Variants in MSN observed in about 807,000 individuals in gnomAD.
MSN encodes epididymis luminal protein 70.
MSN carries 2 observed loss-of-function variants against 48.0 expected under a neutral mutation model. The ratio of observed to expected loss-of-function variants is 0.04; its 90% confidence interval spans 0.02 to 0.13. MSN has a LOEUF of 0.13. MSN is among the 10% of genes least tolerant of loss of function. The pLI, the probability that MSN is intolerant of heterozygous loss-of-function variation, is 1.00. For missense variants in MSN, 267 were observed against 470.1 expected, an observed-to-expected ratio of 0.57 and a Z score of 3.99; for synonymous variants, 146 against 166.9, an observed-to-expected ratio of 0.87 and a Z score of 0.97.
At chrX:65,736,449 T>G (rs1487810667) in intron 8 of MSN, among the ~76,000 whole-genome samples, 2 of 107,840 alleles carry the variant, frequency 1.9e-5, no homozygotes, top group Admixed American at 9.8e-5. Context: ...TTTTTTTTTT[T>G]TTTTAGATGG....
intron 1 of MSN, among the ~76,000 whole-genome samples, chrX:65,602,705 C>A (rs1362695057): frequency 8.9e-6 from 1 of 112,027 alleles, no homozygotes; most frequent in Non-Finnish European, 1.9e-5. Context: ...GCTTTAGCTT[C>A]TTTATTGACA....
intron 1 of MSN, among the ~76,000 whole-genome samples, chrX:65,697,613 G>A (rs897442274): frequency 5.4e-5 from 6 of 111,579 alleles, no homozygotes; most frequent in African/African-American, 2.0e-4. Context: ...TTTAAATCAG[G>A]GTGCTTTAGC....
At chrX:65,623,368 C>CTTTTTTTTTTTTTTTTTCTTTTTTTTT (rs773663630) in intron 1 of MSN, among the ~76,000 whole-genome samples, 3 of 74,158 alleles carry the variant, frequency 4.0e-5, no homozygotes, top group East Asian at 4.3e-4. Context: ...TCTTTCTTTT[C>CTTTTTTTTTTTTTTTTTCTTTTTTTTT]TTTTTTTTTT....
At chrX:65,598,347 AAG>A (rs2070203387) in intron 1 of MSN, among the ~76,000 whole-genome samples, 1 of 110,272 alleles carries the variant, frequency 9.1e-6, no homozygotes, top group Non-Finnish European at 1.9e-5. Flanking sequence ...AAGAAAAAGA[AAG>A]AAACACAGAG....
chrX:65,688,297 C>T (rs760720828), intron 1 of MSN, among the ~76,000 whole-genome samples: 36 of 111,927 alleles, frequency 3.2e-4, no homozygotes, highest in African/African-American at 1.2e-3. Context: ...AGCCTAGTCG[C>T]GAACTCCTGG....
chrX:65,641,279 C>T (rs772096083), intron 1 of MSN, among the ~76,000 whole-genome samples: 2 of 107,919 alleles, frequency 1.9e-5, no homozygotes, highest in African/African-American at 6.7e-5. Context: ...CCTGTAATCC[C>T]AGCACTTTGG....
chrX:65,648,223 G>T (rs1174456303), intron 1 of MSN, among the ~76,000 whole-genome samples: 1 of 111,868 alleles, frequency 8.9e-6, no homozygotes, highest in African/African-American at 3.2e-5. Context: ...TGATCAGAAG[G>T]GTTTTTGAGG....
In MSN at chrX:65,707,591, C is replaced by G. The variant is rs542899834; in HGVS notation, c.13-9227C>G. Reference sequence around the variant, plus strand: ...CCCCATCCGGGTCAGCTCCTGTATTCCTGTCAAACTGAAGGACTGGCTGGG... The same window carrying G: ...CCCCATCCGGGTCAGCTCCTGTATTGCTGTCAAACTGAAGGACTGGCTGGG... On this transcript the variant is annotated intron_variant, in intron 1 of 12. Transcript: ENST00000360270. 2.7e-5 allele frequency among the ~76,000 whole-genome samples: 3 copies of G among 112,135 alleles called. No homozygotes were observed. In the South Asian group the frequency reaches 1.1e-3, roughly 42 times the overall value.
intron 1 of MSN, among the ~76,000 whole-genome samples, chrX:65,709,270 T>C (rs2071392725): frequency 8.9e-6 from 1 of 112,342 alleles, no homozygotes; most frequent in African/African-American, 3.2e-5. Flanking sequence ...TGGTTTACAG[T>C]GCTGCTAACA....
At chrX:65,608,146 G>C (rs766971517) in intron 1 of MSN, among the ~76,000 whole-genome samples, 1 of 111,441 alleles carries the variant, frequency 9.0e-6, no homozygotes, top group South Asian at 3.8e-4. Flanking sequence ...ACAAGGAAAG[G>C]GGGTGGGAAG....
chrX:65,633,874 G>C (rs768561516), intron 1 of MSN, among the ~76,000 whole-genome samples: 1 of 112,201 alleles, frequency 8.9e-6, no homozygotes, highest in East Asian at 2.8e-4. Context: ...TATTAAGAAA[G>C]AGGCTGTGTT....
chrX:65,729,555 C>T lies in MSN; in HGVS notation c.310C>T (p.Leu104=). 8.3e-7 allele frequency: 1 copy of T among 1,212,005 alleles called. No individual in the cohort carries two copies. Among genetic ancestry groups the T allele is most frequent in the South Asian group, 1.8e-5 (1 of 56,995 alleles). The part of the protein sequence containing the change: ...IQDITQRLFF[L]QVKEGILNDD... ...GGACATCACTCAGCGCCTGTTCTTT[C>T]TGCAAGTGAAAGAGGGCATTCTCAA... Residue 104 remains leucine (L), a synonymous_variant, in exon 4 of 13, where the codon CTG becomes TTG. Transcript: ENST00000360270.
At chrX:65,702,308 C>T (rs1296593649) in intron 1 of MSN, among the ~76,000 whole-genome samples, 2 of 107,703 alleles carry the variant, frequency 1.9e-5, no homozygotes, top group Admixed American at 9.9e-5. Flanking sequence ...CCACCGCACC[C>T]GGCCTTTCAG....
chrX:65,642,472 A>C (rs1338938226), intron 1 of MSN, among the ~76,000 whole-genome samples: 1 of 110,525 alleles, frequency 9.0e-6, no homozygotes, highest in Non-Finnish European at 1.9e-5. Flanking sequence ...AGGTTTGGGC[A>C]TGGCATACCA....
intron 1 of MSN, among the ~76,000 whole-genome samples, chrX:65,622,922 T>A (rs941814399): frequency 8.9e-6 from 1 of 111,967 alleles, no homozygotes; most frequent in African/African-American, 3.2e-5. Context: ...TTGAGAAAGT[T>A]TCCTTTTATT....
At position 65,738,612 on chromosome X, in the gene MSN, C is replaced by A. The variant is rs777009790; in HGVS notation, c.1339C>A (p.Gln447Lys). 9.1e-6 allele frequency: 11 copies of A among 1,204,530 alleles called. No homozygotes were observed. The highest frequency in any genetic ancestry group is 1.2e-5 in the Non-Finnish European group (11 of 891,827). ...GGAGAGTGAGGCTGTGGAGTGGCAGCAGAAGGTAAGACACAGGGCCTAAAG... is the reference window on the plus strand; with the variant it reads ...GGAGAGTGAGGCTGTGGAGTGGCAGAAGAAGGTAAGACACAGGGCCTAAAG... ...KKESEAVEWQ[Q>K]KAQMVQEDLE... Residue 447 changes from glutamine to lysine, a missense_variant, in exon 11 of 13, where the codon CAG (glutamine) becomes AAG (lysine). Physicochemically the swap from Gln to Lys is moderately conservative, Grantham distance 53 (BLOSUM62 1). Around this residue, in one of 5 missense-constraint regions of MSN, gnomAD observed 48 missense variants for 115.5 expected, o/e 0.42. Coordinates refer to ENST00000360270, the MANE Select transcript of MSN (RefSeq NM_002444.3).
At chrX:65,728,220 G>C (rs1246796036) in intron 3 of MSN, among the ~76,000 whole-genome samples, 1 of 112,473 alleles carries the variant, frequency 8.9e-6, no homozygotes, top group Non-Finnish European at 1.9e-5. Context: ...GGCTTTTCAA[G>C]AGAGGATTGG....
intron 7 of MSN, among the ~76,000 whole-genome samples, chrX:65,734,098 A>G (rs768925419): frequency 2.1e-4 from 24 of 112,075 alleles, no homozygotes; most frequent in Non-Finnish European, 3.8e-4. Flanking sequence ...AAAGTGCTTT[A>G]AGTTCATTCA....
chrX:65,727,348 G>A (rs1021354374), intron 2 of MSN, among the ~76,000 whole-genome samples: 2 of 111,566 alleles, frequency 1.8e-5, no homozygotes, highest in African/African-American at 6.5e-5. Context: ...AGTGGGAAGT[G>A]GTGTGACATT....
Sources: gnomAD v4.1 joint callset for allele counts (sites outside exome capture counted in the v4.1 genomes callset) on GRCh38, gnomAD v4.1.1 for gene constraint, gnomAD v4.1.1 regional missense constraint, MANE v1.5 for transcripts, NCBI Gene and HGNC (gene_info 2026-07-23, HGNC 2026-07-21) for gene names.